FAM169A: variants seen among roughly 807,000 people sequenced by gnomAD.
The protein encoded by FAM169A is soluble lamin-associated protein of 75 kDa.
In FAM169A, 24 loss-of-function variants were observed where a neutral mutation model predicts 75.7. That is an observed-to-expected ratio of 0.32 (90% CI 0.23 to 0.45). The LOEUF is 0.45. Among genes scored for constraint, FAM169A ranks in the 20% least tolerant of loss-of-function variants. The pLI is 1.00. For synonymous variants in FAM169A, 271 were observed against 271.0 expected, an observed-to-expected ratio of 1.00 and a Z score of 0.00; for missense variants, 673 against 784.0, an observed-to-expected ratio of 0.86 and a Z score of 1.69.
rs192361457 is a variant in FAM169A, at chr5:74,857,447, G to C, written c.-4+8718C>G. On this transcript the variant is annotated intron_variant, in intron 1 of 12. Coordinates refer to ENST00000687041, the MANE Select transcript of FAM169A (RefSeq NM_001376049.1). Reference sequence around the variant, plus strand: ...GCACCTGTAGTCCCAGCTACTCAGGGGGCTGAGGGAGAATGGCTTGAGTCC... The same window carrying C: ...GCACCTGTAGTCCCAGCTACTCAGGCGGCTGAGGGAGAATGGCTTGAGTCC... Among the ~76,000 whole-genome samples the C allele has an allele frequency of 3.3e-5, 5 of 151,584 alleles. No individual in the cohort carries two copies. In the East Asian group the frequency reaches 9.8e-4, roughly 30 times the overall value.
chr5:74,785,579 T>C (rs553301131), intron 11 of FAM169A, among the ~76,000 whole-genome samples: 5 of 151,984 alleles, frequency 3.3e-5, no homozygotes, highest in African/African-American at 1.2e-4. Context: ...CTGGCCAACA[T>C]TGGCAAAAAC....
At chr5:74,854,362 T>G (rs1196167833) in intron 1 of FAM169A, among the ~76,000 whole-genome samples, 1 of 151,864 alleles carries the variant, frequency 6.6e-6, no homozygotes, top group Non-Finnish European at 1.5e-5. Context: ...ACCACTGCAC[T>G]CCAGCCTGGG....
intron 1 of FAM169A, among the ~76,000 whole-genome samples, chr5:74,844,347 A>G (rs1435154779): frequency 1.3e-5 from 2 of 152,144 alleles, no homozygotes; most frequent in Non-Finnish European, 2.9e-5. Context: ...CTGTAGTCCC[A>G]GCTACTCAGG....
At chr5:74,794,162 G>A (rs546225633) in intron 11 of FAM169A, among the ~76,000 whole-genome samples, 3 of 148,698 alleles carry the variant, frequency 2.0e-5, no homozygotes, top group Admixed American at 6.7e-5. Flanking sequence ...ATGAAACCCC[G>A]TCTCGGCGGA....
intron 5 of FAM169A, among the ~76,000 whole-genome samples, chr5:74,830,023 A>T (rs1353516199): frequency 6.6e-6 from 1 of 152,184 alleles, no homozygotes; most frequent in Non-Finnish European, 1.5e-5. Flanking sequence ...TTAATGATTT[A>T]TTCCCTAAGG....
chr5:74,853,225 A>T (rs1213403281), intron 1 of FAM169A, among the ~76,000 whole-genome samples: 1 of 152,142 alleles, frequency 6.6e-6, no homozygotes, highest in African/African-American at 2.4e-5. Context: ...AAGGATAATA[A>T]CCTCAAAATG....
chr5:74,861,760 A>G (rs1193805039), intron 1 of FAM169A, among the ~76,000 whole-genome samples: 1 of 152,210 alleles, frequency 6.6e-6, no homozygotes, highest in African/African-American at 2.4e-5. Context: ...GTTGTATGCT[A>G]AAACTTATTG....
chr5:74,853,832 C>T (rs1465391423), intron 1 of FAM169A, among the ~76,000 whole-genome samples: 3 of 150,912 alleles, frequency 2.0e-5, no homozygotes, highest in South Asian at 4.2e-4. Context: ...CTCAGCCTCC[C>T]GAGTAGCTAG....
intron 5 of FAM169A, among the ~76,000 whole-genome samples, chr5:74,824,722 CACACACAT>C (rs1747933764): frequency 6.6e-6 from 1 of 151,602 alleles, no homozygotes; most frequent in South Asian, 2.1e-4. Flanking sequence ...CACACACACA[CACACACAT>C]ACACACACAC....
intron 11 of FAM169A, among the ~76,000 whole-genome samples, chr5:74,784,629 A>C (rs1745592239): frequency 6.7e-6 from 1 of 150,098 alleles, no homozygotes; most frequent in African/African-American, 2.4e-5. Flanking sequence ...AAAAAAAAAA[A>C]AAAATAGGCT....
At chr5:74,835,317 C>T (rs1344994094) in intron 4 of FAM169A, among the ~76,000 whole-genome samples, 2 of 152,002 alleles carry the variant, frequency 1.3e-5, no homozygotes, top group African/African-American at 2.4e-5. Context: ...GTTCCTGATA[C>T]ACAGGCCAGT....
Position 74,781,384 on chromosome 5 carries a change from G to A in FAM169A, c.*76C>T, listed in dbSNP as rs757928736. ...AAATTTTTGTCCTGTGCCCCATGCT[G>A]TTTATTAATTACCATATTTTAAAAA... On this transcript the variant is annotated 3_prime_UTR_variant, in exon 13 of 13. Coordinates refer to ENST00000687041, the MANE Select transcript of FAM169A (RefSeq NM_001376049.1). 2 of 1,429,932 alleles carry A rather than the reference G, an allele frequency of 1.4e-6. No individual in the cohort carries two copies. The highest frequency in any genetic ancestry group is 1.9e-6 in the Non-Finnish European group (2 of 1,048,270). 88.6% of individuals were successfully genotyped at this position (1,429,932 alleles called of 1,614,324 possible). A position where few individuals can be genotyped will look rare whatever the true frequency, so the allele number is the denominator to read the frequency against.
Position 74,791,981 on chromosome 5 carries a change from CATTTT to C in FAM169A, c.1260+4044_1260+4048del, listed in dbSNP as rs566881100. 2.5e-3 allele frequency among the ~76,000 whole-genome samples: 375 copies of C among 152,304 alleles called. 1 individual carries two copies. The highest frequency in any genetic ancestry group is 8.7e-3 in the African/African-American group (361 of 41,562). On this transcript the variant is annotated intron_variant, in intron 11 of 12. Coordinates refer to ENST00000687041, the MANE Select transcript of FAM169A (RefSeq NM_001376049.1). ...TACATTTGTACTAAGAAAATATCTTCATTTTATTTCCCTTTTCCTTTATCATGTGA... is the reference window on the plus strand; with the variant it reads ...TACATTTGTACTAAGAAAATATCTTCATTTCCCTTTTCCTTTATCATGTGA...
chr5:74,800,541 G>A (rs1746518913), intron 10 of FAM169A, among the ~76,000 whole-genome samples: 1 of 151,934 alleles, frequency 6.6e-6, no homozygotes, highest in Non-Finnish European at 1.5e-5. Context: ...GTGAGTTTAT[G>A]CCAGTCTCTT....
intron 11 of FAM169A, among the ~76,000 whole-genome samples, chr5:74,793,323 CAA>C (rs916752737): frequency 1.4e-4 from 9 of 65,422 alleles, no homozygotes; most frequent in African/African-American, 2.3e-4. Flanking sequence ...GAGTCCATTT[CAA>C]AAAAAAAAAA....
rs562404881 is a variant in FAM169A, at chr5:74,801,571, T to C, written c.952+19A>G. 7 of 1,585,724 alleles carry C rather than the reference T, an allele frequency of 4.4e-6. No homozygotes were observed. The highest frequency in any genetic ancestry group is 1.7e-4 in the Middle Eastern group (1 of 6,018). ...GAAGTGTCTCAAATACTTACTGATATATCAGTTGAATTTCTTACCTTCGGA... is the reference window on the plus strand; with the variant it reads ...GAAGTGTCTCAAATACTTACTGATACATCAGTTGAATTTCTTACCTTCGGA... On this transcript the variant is annotated intron_variant, in intron 9 of 12. Transcript: ENST00000687041.
intron 7 of FAM169A, 80 bp from the exon 8 acceptor site, chr5:74,804,685 A>G (rs1746771513): frequency 5.5e-6 from 4 of 730,958 alleles, no homozygotes; most frequent in East Asian, 5.3e-5. Flanking sequence ...TTTTCCTAAA[A>G]GCTCTGAAGA....
At position 74,781,312 on chromosome 5, in the gene FAM169A, G is replaced by A. The variant is rs1479778392; in HGVS notation, c.*148C>T. ...ACAATGGTGAATTCTACGTTCTAAA[G>A]GGAAGCAAAAAACTGCATAGTAAGT... On this transcript the variant is annotated 3_prime_UTR_variant, in exon 13 of 13. Coordinates refer to ENST00000687041, the MANE Select transcript of FAM169A (RefSeq NM_001376049.1). The A allele has an allele frequency of 3.0e-6, 2 of 668,814 alleles. No homozygotes were observed. The highest frequency in any genetic ancestry group is 1.8e-5 in the African/African-American group (1 of 55,720). 41.4% of individuals were successfully genotyped at this position (668,814 alleles called of 1,614,324 possible).
intron 5 of FAM169A, among the ~76,000 whole-genome samples, chr5:74,825,381 C>T (rs748549017): frequency 6.6e-6 from 1 of 152,178 alleles, no homozygotes; most frequent in African/African-American, 2.4e-5. Flanking sequence ...GGCCATTGAG[C>T]TCTTAAAATG....
Sources: gnomAD v4.1 joint callset for allele counts (sites outside exome capture counted in the v4.1 genomes callset) on GRCh38, gnomAD v4.1.1 for gene constraint, MANE v1.5 for transcripts, NCBI Gene and HGNC (gene_info 2026-07-23, HGNC 2026-07-21) for gene names.